TMCO4: variants seen among roughly 807,000 people sequenced by gnomAD.
TMCO4 encodes the protein transmembrane and coiled-coil domain-containing protein 4.
TMCO4 carries 58 observed loss-of-function variants against 64.7 expected under a neutral mutation model. That is an observed-to-expected ratio of 0.90 (90% CI 0.73 to 1.12). TMCO4 has a LOEUF of 1.12. Among genes scored for constraint, TMCO4 ranks in the 50% most tolerant of loss-of-function variants. The pLI is 0.00. For synonymous variants in TMCO4, 325 were observed against 346.1 expected (o/e 0.94, Z 0.68); for missense variants, 780 against 825.9 (o/e 0.94, Z 0.68).
chr1:19,776,360 C>T (rs1006677303), intron 4 of TMCO4, among the ~76,000 whole-genome samples: 2 of 152,172 alleles, frequency 1.3e-5, no homozygotes, highest in Admixed American at 6.5e-5. Context: ...TTTATAACAA[C>T]GCTTGGATAT....
chr1:19,702,285 C>CAAAAAAAAAA lies in TMCO4; in HGVS notation c.1265-1410_1265-1401dup, dbSNP rs71010505. 3.9e-5 allele frequency among the ~76,000 whole-genome samples: 4 copies of CAAAAAAAAAA among 102,914 alleles called. 1 individual carries two copies. The highest frequency in any genetic ancestry group is 1.4e-4 in the African/African-American group (4 of 29,086). The allele number at this position is 102,914 out of a possible 152,430, so 67.5% of individuals were successfully genotyped here. A position where few individuals can be genotyped will look rare whatever the true frequency, so the allele number is the denominator to read the frequency against. Reference sequence around the variant, plus strand: ...TGCCTGGCCGAGACTCTTGTCTTTACAAAAAAAAAAAAAAAAAAAGTCAGG... The same window carrying CAAAAAAAAAA: ...TGCCTGGCCGAGACTCTTGTCTTTACAAAAAAAAAAAAAAAAAAAAAAAAAAAAAGTCAGG... On this transcript the variant is annotated intron_variant, in intron 13 of 15. Transcript: ENST00000294543.
chr1:19,698,323 C>T (rs1376294265), intron 14 of TMCO4, among the ~76,000 whole-genome samples: 1 of 152,210 alleles, frequency 6.6e-6, no homozygotes, highest in Non-Finnish European at 1.5e-5. Flanking sequence ...ATGTGGCCCT[C>T]TCACGGTGGG....
chr1:19,791,345 A>G (rs567295579), intron 2 of TMCO4, among the ~76,000 whole-genome samples: 2 of 151,804 alleles, frequency 1.3e-5, no homozygotes, highest in East Asian at 3.9e-4. Context: ...AAAAAAAAAA[A>G]GGAAAAGAAA....
chr1:19,730,406 T>C (rs1174195484), intron 13 of TMCO4, among the ~76,000 whole-genome samples: 1 of 152,246 alleles, frequency 6.6e-6, no homozygotes, highest in Non-Finnish European at 1.5e-5. Context: ...CACTGCGGCA[T>C]AACCTAGGCT....
At chr1:19,685,339 CAGACA>C (rs2095138327) in intron 15 of TMCO4, among the ~76,000 whole-genome samples, 2 of 151,526 alleles carry the variant, frequency 1.3e-5, no homozygotes, top group South Asian at 2.1e-4. Context: ...AAAAAACAAA[CAGACA>C]AAAAACATTA....
At chr1:19,694,330 G>A in intron 15 of TMCO4, 104 bp downstream of exon 15, 5 of 926,066 alleles carry the variant, frequency 5.4e-6, no homozygotes, top group Non-Finnish European at 8.4e-6. Context: ...TCTTTCTCCT[G>A]TGGCGTGGAC....
intron 2 of TMCO4, among the ~76,000 whole-genome samples, chr1:19,792,941 T>C (rs1156618010): frequency 6.6e-6 from 1 of 152,052 alleles, no homozygotes; most frequent in Non-Finnish European, 1.5e-5. Context: ...TGGCCAAGTT[T>C]TGTATCTTTA....
chr1:19,796,346 G>A (rs531530658), intron 2 of TMCO4, among the ~76,000 whole-genome samples: 3 of 152,096 alleles, frequency 2.0e-5, no homozygotes. Context: ...CGAATGTGGG[G>A]CCTGCCAACT....
At chr1:19,741,279 G>C (rs980116875) in intron 10 of TMCO4, among the ~76,000 whole-genome samples, 1 of 152,230 alleles carries the variant, frequency 6.6e-6, no homozygotes, top group Admixed American at 6.5e-5. Context: ...AAATGTGTTT[G>C]AACTATGATA....
intron 15 of TMCO4, among the ~76,000 whole-genome samples, chr1:19,685,424 C>A (rs1426919247): frequency 6.6e-6 from 1 of 152,190 alleles, no homozygotes; most frequent in Non-Finnish European, 1.5e-5. Context: ...GTGGCCACCC[C>A]CTTCGTCAGA....
chr1:19,692,517 G>A (rs1216455371), intron 15 of TMCO4, among the ~76,000 whole-genome samples: 1 of 148,090 alleles, frequency 6.8e-6, no homozygotes, highest in African/African-American at 2.5e-5. Flanking sequence ...ATCACCTGAG[G>A]TCAGGAGTTT....
At chr1:19,702,982 C>T (rs2095282494) in intron 13 of TMCO4, among the ~76,000 whole-genome samples, 1 of 152,188 alleles carries the variant, frequency 6.6e-6, no homozygotes, top group Admixed American at 6.5e-5. Context: ...CTTTATTTTT[C>T]TCCTTGTCAC....
At chr1:19,786,216 T>C (rs2043736845) in intron 3 of TMCO4, among the ~76,000 whole-genome samples, 1 of 152,144 alleles carries the variant, frequency 6.6e-6, no homozygotes, top group African/African-American at 2.4e-5. Flanking sequence ...GTGATCGCAC[T>C]ATTGCCCTCC....
At chr1:19,792,195 A>T (rs1274443596) in intron 2 of TMCO4, among the ~76,000 whole-genome samples, 1 of 152,042 alleles carries the variant, frequency 6.6e-6, no homozygotes, top group African/African-American at 2.4e-5. Flanking sequence ...ACACCAAGGA[A>T]CTCCAAGAAA....
rs577847413 is a variant in TMCO4, at chr1:19,699,065, G to A, written c.1382+1703C>T. ...CAATAAATTAGCCGGGCGTGGTGGC[G>A]TGTGCCTGTAGTCCCAGCTACTCGG... On this transcript the variant is annotated intron_variant, in intron 14 of 15. Coordinates refer to ENST00000294543, the MANE Select transcript of TMCO4 (RefSeq NM_181719.7). Among the ~76,000 whole-genome samples, 9 of 152,108 alleles carry A rather than the reference G, an allele frequency of 5.9e-5. No individual in the cohort carries two copies. In the East Asian group the frequency reaches 1.2e-3, roughly 20 times the overall value.
At chr1:19,692,414 T>C (rs1196234844) in intron 15 of TMCO4, among the ~76,000 whole-genome samples, 1 of 152,012 alleles carries the variant, frequency 6.6e-6, no homozygotes, top group Non-Finnish European at 1.5e-5. Flanking sequence ...GTCTGTACAA[T>C]GGGGACAGTA....
rs112359759 is a variant in TMCO4 at position 19,732,701 on chromosome 1, G to A, written c.1264+4671C>T. ...AGACCAGGAGTTCGAGACCAGCCTC[G>A]GCAACACAGGGAGACCCTGTCTTTA... On this transcript the variant is annotated intron_variant, in intron 13 of 15. Transcript: ENST00000294543. The surrounding 1 kb of genome is among the most constrained non-coding windows in gnomAD (Gnocchi z 4.8). Among the ~76,000 whole-genome samples the A allele has an allele frequency of 0.067, 10,227 of 151,554 alleles. 761 individuals carry two copies. Among genetic ancestry groups the A allele is most frequent in the East Asian group, 0.38 (1,887 of 5,016 alleles).
chr1:19,714,062 A>G (rs1220051336), intron 13 of TMCO4, among the ~76,000 whole-genome samples: 1 of 152,014 alleles, frequency 6.6e-6, no homozygotes. Context: ...TCAGCCTCCC[A>G]AGTAGTTGGG....
chr1:19,693,838 G>A lies in TMCO4; in HGVS notation c.1500+596C>T, dbSNP rs75567590. Reference sequence around the variant, plus strand: ...CCCCTGCTTGCTCCAGCTGCTTCTCGCAGAAACATACAGTCCTGACTAGTG... The same window carrying A: ...CCCCTGCTTGCTCCAGCTGCTTCTCACAGAAACATACAGTCCTGACTAGTG... On this transcript the variant is annotated intron_variant, in intron 15 of 15. Coordinates refer to ENST00000294543, the MANE Select transcript of TMCO4 (RefSeq NM_181719.7). Among the ~76,000 whole-genome samples the A allele has an allele frequency of 3.1e-3, 475 of 152,232 alleles. 5 individuals carry two copies. The highest frequency in any genetic ancestry group is 0.014 in the East Asian group (73 of 5,174).
Sources: allele counts gnomAD v4.1 joint callset (sites outside exome capture counted in the v4.1 genomes callset), GRCh38; gene constraint gnomAD v4.1.1; non-coding constraint Gnocchi (gnomAD v3.1); transcripts MANE v1.5; gene names NCBI Gene and HGNC (gene_info 2026-07-23, HGNC 2026-07-21).